CLVS2: variants seen among roughly 807,000 people sequenced by gnomAD.
The protein encoded by CLVS2 is clavesin 2.
In CLVS2, 19 loss-of-function variants were observed where a neutral mutation model predicts 29.0. The observed-to-expected ratio is 0.66, with a 90% confidence interval of 0.46 to 0.96. The LOEUF (loss-of-function observed/expected upper bound fraction) is 0.96. Ranked by LOEUF, CLVS2 falls within the 40% of genes least tolerant of loss-of-function variation. CLVS2 has a pLI of 0.00. For synonymous variants in CLVS2, 161 were observed against 151.3 expected, an observed-to-expected ratio of 1.06 and a Z score of -0.47; for missense variants, 294 against 404.1, an observed-to-expected ratio of 0.73 and a Z score of 2.34.
intron 3 of CLVS2, among the ~76,000 whole-genome samples, chr6:123,041,225 T>C (rs1180826429): frequency 6.6e-6 from 1 of 152,124 alleles, no homozygotes; most frequent in East Asian, 1.9e-4. Flanking sequence ...TCCAGTCATC[T>C]TGAGTAGAAG....
chr6:123,059,004 ACCT>A (rs1042390293), intron 5 of CLVS2, among the ~76,000 whole-genome samples: 6 of 151,682 alleles, frequency 4.0e-5, no homozygotes, highest in Non-Finnish European at 8.8e-5. Flanking sequence ...GAATACAATC[ACCT>A]CCTTATCATG....
At chr6:123,007,585 G>A (rs1417495601) in intron 2 of CLVS2, among the ~76,000 whole-genome samples, 1 of 152,128 alleles carries the variant, frequency 6.6e-6, no homozygotes, top group African/African-American at 2.4e-5. Flanking sequence ...TAGTTGCTAT[G>A]GGTATTAAAG....
chr6:123,061,453 T>G (rs1472941693), intron 5 of CLVS2, among the ~76,000 whole-genome samples: 1 of 152,070 alleles, frequency 6.6e-6, no homozygotes, highest in Admixed American at 6.6e-5. Flanking sequence ...AAAAAAAAAT[T>G]GGACTAAAAT....
intron 3 of CLVS2, among the ~76,000 whole-genome samples, chr6:123,024,520 G>C (rs997013663): frequency 6.6e-6 from 1 of 152,084 alleles, no homozygotes; most frequent in Admixed American, 6.6e-5. Flanking sequence ...CATTGGCTCT[G>C]GGTGGACTAA....
intron 3 of CLVS2, among the ~76,000 whole-genome samples, chr6:123,045,900 T>G (rs1772494537): frequency 6.6e-6 from 1 of 152,072 alleles, no homozygotes; most frequent in South Asian, 2.1e-4. Flanking sequence ...TTTTTGGAGC[T>G]AAATCTTAAG....
intron 2 of CLVS2, among the ~76,000 whole-genome samples, chr6:123,010,059 A>T (rs1774726736): frequency 6.6e-6 from 1 of 151,986 alleles, no homozygotes; most frequent in African/African-American, 2.4e-5. Context: ...TGCATTATTG[A>T]TATTGATTAA....
chr6:123,045,292 G>T (rs1166331729), intron 3 of CLVS2, among the ~76,000 whole-genome samples: 1 of 152,064 alleles, frequency 6.6e-6, no homozygotes, highest in African/African-American at 2.4e-5. Flanking sequence ...CTGGGAGTTA[G>T]TGTTTAAGGC....
intron 5 of CLVS2, among the ~76,000 whole-genome samples, chr6:123,062,272 C>G (rs1401009282): frequency 2.0e-5 from 3 of 152,006 alleles, no homozygotes; most frequent in Admixed American, 6.6e-5. Context: ...GCAATTGTCT[C>G]CTTTGTTAAA....
rs549990705 is a variant in CLVS2 at position 123,064,434 on chromosome 6, G to A, written c.*673G>A. The A allele has an allele frequency of 1.3e-5, 2 of 152,020 alleles. No homozygotes were observed. The highest frequency in any genetic ancestry group is 2.1e-4 in the South Asian group (1 of 4,830). 9.4% of individuals were successfully genotyped at this position (152,020 alleles called of 1,614,324 possible). A position where few individuals can be genotyped will look rare whatever the true frequency, so the allele number is the denominator to read the frequency against. ...AAAGATGTGTTTCCTCAATTAAGAC[G>A]TAGAAATGTAAAAAAGAGTGGATTC... On this transcript the variant is annotated 3_prime_UTR_variant, in exon 6 of 6. Coordinates refer to ENST00000275162, the MANE Select transcript of CLVS2 (RefSeq NM_001010852.4).
rs149720920 is a variant in CLVS2, at chr6:122,997,553, G to C, written c.-225G>C. On this transcript the variant is annotated 5_prime_UTR_variant, in exon 2 of 6. Coordinates refer to ENST00000275162, the MANE Select transcript of CLVS2 (RefSeq NM_001010852.4). ...GCCAAAGTAGGGTGTTGTATTTTAG[G>C]GGGCAGAGGAAGAAGTTTACACCCC... 54 of 585,810 alleles carry C rather than the reference G, an allele frequency of 9.2e-5. No individual in the cohort carries two copies. The highest frequency in any genetic ancestry group is 5.2e-4 in the East Asian group (18 of 34,448). 36.3% of individuals were successfully genotyped at this position (585,810 alleles called of 1,614,324 possible).
chr6:123,001,151 AC>A (rs1349023503), intron 2 of CLVS2, among the ~76,000 whole-genome samples: 2 of 152,188 alleles, frequency 1.3e-5, no homozygotes, highest in Non-Finnish European at 2.9e-5. Context: ...TATTTGATAT[AC>A]GCTTTCTCCT....
At chr6:123,055,673 C>A in intron 4 of CLVS2, 133 bp from the exon 5 acceptor site, 1 of 663,690 alleles carries the variant, frequency 1.5e-6, no homozygotes. Flanking sequence ...GAGTAGATGA[C>A]TGGCTAAAGT....
chr6:123,045,761 A>G (rs1008263019), intron 3 of CLVS2, among the ~76,000 whole-genome samples: 3 of 152,184 alleles, frequency 2.0e-5, no homozygotes, highest in Admixed American at 2.0e-4. Context: ...GGACGCAGAC[A>G]AAGAGACAGT....
At chr6:123,034,364 C>A (rs1775121566) in intron 3 of CLVS2, among the ~76,000 whole-genome samples, 1 of 152,096 alleles carries the variant, frequency 6.6e-6, no homozygotes, top group East Asian at 1.9e-4. Flanking sequence ...CCATAAAATA[C>A]TACCTTGCAG....
chr6:123,055,964 A>C lies in CLVS2; in HGVS notation c.834A>C (p.Val278=). 6.2e-7 allele frequency: 1 copy of C among 1,614,066 alleles called. No homozygotes were observed. The highest frequency in any genetic ancestry group is 8.5e-7 in the Non-Finnish European group (1 of 1,179,970). The part of the protein sequence containing the change: ...HEYDDDSEYN[V]DSYSMPVKEV... ...ATGACGATGACAGCGAGTACAATGT[A>C]GACTCCTACAGCATGCCTGTGAAGG... is the stretch of plus-strand genomic sequence containing the variant. Residue 278 remains valine (V), a synonymous_variant, in exon 5 of 6, where the codon GTA becomes GTC. Transcript: ENST00000275162.
chr6:123,005,053 G>A (rs542032626), intron 2 of CLVS2, among the ~76,000 whole-genome samples: 131 of 151,962 alleles, frequency 8.6e-4, no homozygotes, highest in Admixed American at 1.6e-3. Context: ...AGAAAGATTT[G>A]GCTTTGAATC....
At chr6:123,029,508 G>A (rs537381094) in intron 3 of CLVS2, among the ~76,000 whole-genome samples, 11 of 152,250 alleles carry the variant, frequency 7.2e-5, no homozygotes, top group African/African-American at 2.6e-4. Context: ...TGATGCATTT[G>A]GGTATTAGGA....
At position 122,997,539 on chromosome 6, in the gene CLVS2, G is replaced by C; in HGVS notation, c.-239G>C. On this transcript the variant is annotated 5_prime_UTR_variant, in exon 2 of 6. Transcript: ENST00000275162. ...AAAGGAAAGAGGGAGCCAAAGTAGG[G>C]TGTTGTATTTTAGGGGGCAGAGGAA... 1 of 571,490 alleles carries C rather than the reference G, an allele frequency of 1.7e-6. No homozygotes were observed. Among genetic ancestry groups the C allele is most frequent in the Admixed American group, 3.2e-5 (1 of 31,346 alleles). The allele number at this position is 571,490 out of a possible 1,614,324, so 35.4% of individuals were successfully genotyped here.
In CLVS2 at chr6:123,025,244, C is replaced by T. The variant is rs536277352; in HGVS notation, c.564+14085C>T. Among the ~76,000 whole-genome samples, 15 of 152,206 alleles carry T rather than the reference C, an allele frequency of 9.9e-5. No homozygotes were observed. In the East Asian group the frequency reaches 2.7e-3, roughly 28 times the overall value. On this transcript the variant is annotated intron_variant, in intron 3 of 5. Transcript: ENST00000275162. Reference sequence around the variant, plus strand: ...CCTGGAAAGCCGTTATTAAGCACGCCTTACCCCCCACATTAGAGTGGGAGT... The same window carrying T: ...CCTGGAAAGCCGTTATTAAGCACGCTTTACCCCCCACATTAGAGTGGGAGT...
Sources: allele counts gnomAD v4.1 joint callset (sites outside exome capture counted in the v4.1 genomes callset), GRCh38; gene constraint gnomAD v4.1.1; transcripts MANE v1.5; gene names NCBI Gene and HGNC (gene_info 2026-07-23, HGNC 2026-07-21).